Variants in TLE3 observed in about 807,000 individuals in gnomAD.
TLE3 encodes the protein TLE family member 3, transcriptional corepressor.
TLE3 carries 14 observed loss-of-function variants against 93.0 expected under a neutral mutation model. That is an observed-to-expected ratio of 0.15 (90% CI 0.10 to 0.24). The LOEUF is 0.24. TLE3 is among the 10% of genes least tolerant of loss of function. The pLI is 1.00. For missense variants in TLE3, 693 were observed against 1,046.6 expected (o/e 0.66, Z 4.66); for synonymous variants, 451 against 425.0 (o/e 1.06, Z -0.75).
rs7175702 is a variant in TLE3 at position 70,057,948 on chromosome 15, C to G, written c.1051+211G>C. On this transcript the variant is annotated intron_variant, in intron 12 of 19. Coordinates refer to ENST00000451782, the MANE Select transcript of TLE3 (RefSeq NM_001105192.3). ...GGAACAGATTTTGGGAGCCCTGACC[C>G]GTCTGATGCTGCTTTCATGTCTGGC... is the stretch of plus-strand genomic sequence containing the variant. 4.8e-6 allele frequency: 4 copies of G among 835,844 alleles called. No homozygotes were observed. The African/African-American group carries it at 6.9e-5, about 14-fold the overall frequency. 51.8% of individuals were successfully genotyped at this position (835,844 alleles called of 1,614,324 possible).
intron 13 of TLE3, 40 bp from the exon 14 acceptor site, chr15:70,056,414 G>T: frequency 6.3e-7 from 1 of 1,582,374 alleles, no homozygotes; most frequent in Non-Finnish European, 8.6e-7. Flanking sequence ...CAGCCGTGCT[G>T]CCACACACCC....
intron 18 of TLE3, 79 bp downstream of exon 18, chr15:70,052,295 C>T: frequency 1.3e-6 from 2 of 1,551,760 alleles, no homozygotes; most frequent in Non-Finnish European, 1.7e-6. Context: ...AGCTTTGGGC[C>T]CCTCTTCTGT....
At chr15:70,072,945 ACTT>A (rs956912114) in intron 6 of TLE3, among the ~76,000 whole-genome samples, 1 of 152,184 alleles carries the variant, frequency 6.6e-6, no homozygotes, top group African/African-American at 2.4e-5. Context: ...AGCACTGAAC[ACTT>A]CTTCACGTTC....
At chr15:70,068,088 T>C (rs193049744) in intron 6 of TLE3, among the ~76,000 whole-genome samples, 151 of 152,322 alleles carry the variant, frequency 9.9e-4, no homozygotes, top group African/African-American at 3.5e-3. Flanking sequence ...CCACTTTTTC[T>C]TTTTTAAGAA....
At chr15:70,051,364 G>C in intron 19 of TLE3, 27 bp downstream of exon 19, 2 of 1,588,786 alleles carry the variant, frequency 1.3e-6, no homozygotes, top group Non-Finnish European at 1.7e-6. Context: ...GTAGAACCCA[G>C]AGGAGGACTC....
intron 1 of TLE3, 113 bp downstream of exon 1, chr15:70,096,662 C>G: frequency 6.4e-7 from 1 of 1,555,292 alleles, no homozygotes; most frequent in East Asian, 2.4e-5. Flanking sequence ...AGAGCACACA[C>G]ACAAACACAC....
intron 8 of TLE3, among the ~76,000 whole-genome samples, chr15:70,062,315 G>T (rs1009685257): frequency 2.6e-5 from 4 of 152,132 alleles, no homozygotes; most frequent in African/African-American, 9.7e-5. Flanking sequence ...TGACGGTGGT[G>T]GCCACCCTGT....
At chr15:70,088,991 G>A (rs1053158127) in intron 4 of TLE3, among the ~76,000 whole-genome samples, 1 of 152,144 alleles carries the variant, frequency 6.6e-6, no homozygotes, top group African/African-American at 2.4e-5. Flanking sequence ...CAAGGGCAGA[G>A]GGGCCTTGGA....
At chr15:70,056,469 G>A (rs1255144862) in intron 13 of TLE3, 95 bp from the exon 14 acceptor site, 7 of 1,121,694 alleles carry the variant, frequency 6.2e-6, no homozygotes, top group Admixed American at 1.9e-5. Flanking sequence ...CTACCTGCAC[G>A]GCTCTGCCAC....
chr15:70,055,885 G>A (rs549922047), intron 14 of TLE3: 1 of 305,772 alleles, frequency 3.3e-6, no homozygotes, highest in East Asian at 8.9e-5. Context: ...GGGCCGGGGA[G>A]AGTGTGCCCT....
Position 70,097,305 on chromosome 15 carries a change from G to T in TLE3, c.-507C>A, listed in dbSNP as rs2058610458. On this transcript the variant is annotated 5_prime_UTR_variant, in exon 1 of 20. Transcript: ENST00000451782. ...GATCCTAGAGGCGTCCGGGCCTGGG[G>T]CTCGCGGCGAGAAGAGGAAGGAGGC... is the stretch of plus-strand genomic sequence containing the variant. The T allele has an allele frequency of 7.5e-6, 3 of 401,196 alleles. No homozygotes were observed. The highest frequency in any genetic ancestry group is 4.4e-5 in the Admixed American group (1 of 22,648). 24.9% of individuals were successfully genotyped at this position (401,196 alleles called of 1,614,324 possible).
chr15:70,069,592 C>T (rs2057021802), intron 6 of TLE3, among the ~76,000 whole-genome samples: 1 of 152,222 alleles, frequency 6.6e-6, no homozygotes, highest in African/African-American at 2.4e-5. Flanking sequence ...GCCAGAAACT[C>T]CCTCGAGGTC....
intron 4 of TLE3, among the ~76,000 whole-genome samples, chr15:70,081,188 G>A (rs982271949): frequency 2.6e-5 from 4 of 152,106 alleles, no homozygotes; most frequent in South Asian, 2.1e-4. Context: ...CATTAATTTC[G>A]TTGTCTGCAA....
In TLE3 at chr15:70,097,805, CA is replaced by C; in HGVS notation, c.-1008del. 3.3e-6 allele frequency: 1 copy of C among 300,768 alleles called. No homozygotes were observed. Among genetic ancestry groups the C allele is most frequent in the Non-Finnish European group, 5.4e-6 (1 of 185,208 alleles). 18.6% of individuals were successfully genotyped at this position (300,768 alleles called of 1,614,324 possible). ...ACACACACACACGCGCGCACGCACA[CA>C]CACACACACCAAAAAAAAAAGTGCC... is the stretch of plus-strand genomic sequence containing the variant. On this transcript the variant is annotated 5_prime_UTR_variant, in exon 1 of 20. Transcript: ENST00000451782.
At position 70,050,083 on chromosome 15, in the gene TLE3, G is replaced by GCTGGAGTTCTTGTTTAGTAGATGAC; in HGVS notation, c.2299_*13dup. ...GTTTCTCCCAGAGTTTGACAGCCCTGCTGGAGTTCTTGTTTAGTAGATGAC... is the reference window on the plus strand; with the variant it reads ...GTTTCTCCCAGAGTTTGACAGCCCTGCTGGAGTTCTTGTTTAGTAGATGACCTGGAGTTCTTGTTTAGTAGATGAC... On this transcript the variant is annotated 3_prime_UTR_variant, in exon 20 of 20. Transcript: ENST00000451782. 6.2e-7 allele frequency: 1 copy of GCTGGAGTTCTTGTTTAGTAGATGAC among 1,606,626 alleles called. No homozygotes were observed. Among genetic ancestry groups the GCTGGAGTTCTTGTTTAGTAGATGAC allele is most frequent in the South Asian group, 1.1e-5 (1 of 90,956 alleles).
chr15:70,096,368 A>G (rs2058563018), intron 1 of TLE3, 107 bp from the exon 2 acceptor site: 1 of 1,488,852 alleles, frequency 6.7e-7, no homozygotes, highest in South Asian at 1.3e-5. Flanking sequence ...GGCCACCCTC[A>G]GCCCAGAACC....
At chr15:70,091,523 G>A (rs537521049) in intron 4 of TLE3, among the ~76,000 whole-genome samples, 2 of 152,354 alleles carry the variant, frequency 1.3e-5, no homozygotes, top group South Asian at 4.1e-4. Flanking sequence ...AGGGGGCTTG[G>A]TGGAGGTGGG....
chr15:70,086,826 T>C (rs1305979994), intron 4 of TLE3, among the ~76,000 whole-genome samples: 2 of 151,732 alleles, frequency 1.3e-5, no homozygotes, highest in East Asian at 3.8e-4. Flanking sequence ...GCATCTCTGC[T>C]TTGTCATCTC....
intron 4 of TLE3, among the ~76,000 whole-genome samples, chr15:70,093,943 G>T (rs560310047): frequency 6.6e-6 from 1 of 152,108 alleles, no homozygotes; most frequent in East Asian, 1.9e-4. Context: ...ATGGGAACTC[G>T]GCTGCCTTCA....
Sources: gnomAD v4.1 joint callset for allele counts (sites outside exome capture counted in the v4.1 genomes callset) on GRCh38, gnomAD v4.1.1 for gene constraint, MANE v1.5 for transcripts, NCBI Gene and HGNC (gene_info 2026-07-23, HGNC 2026-07-21) for gene names.